The following KLHL1 variants were observed in gnomAD, a reference collection of about 807,000 sequenced individuals.
The protein encoded by KLHL1 is kelch like family member 1.
In KLHL1, 47 loss-of-function variants were observed where a neutral mutation model predicts 77.7. That is an observed-to-expected ratio of 0.60 (90% CI 0.48 to 0.77). The LOEUF is 0.77. Ranked by LOEUF, KLHL1 falls within the 30% of genes least tolerant of loss-of-function variation. The pLI, the probability that KLHL1 is intolerant of heterozygous loss-of-function variation, is 0.00. For missense variants in KLHL1, 925 were observed against 910.8 expected (o/e 1.02, Z -0.20); for synonymous variants, 360 against 325.2 (o/e 1.11, Z -1.15).
intron 5 of KLHL1, among the ~76,000 whole-genome samples, chr13:69,847,404 C>CAAAAAAAAAAAAAAAAAAAAAA (rs11357077): frequency 6.9e-6 from 1 of 145,856 alleles, no homozygotes; most frequent in African/African-American, 2.6e-5. Context: ...ACTGCATTAG[C>CAAAAAAAAAAAAAAAAAAAAAA]AAAAAAAAAA....
chr13:69,749,647 A>G (rs931305322), intron 7 of KLHL1, among the ~76,000 whole-genome samples: 9 of 151,996 alleles, frequency 5.9e-5, no homozygotes, highest in African/African-American at 1.7e-4. Context: ...ACACATAACT[A>G]TATCCAATGA....
chr13:70,024,778 A>G (rs969660053), intron 1 of KLHL1, among the ~76,000 whole-genome samples: 3 of 151,842 alleles, frequency 2.0e-5, no homozygotes, highest in Admixed American at 6.6e-5. Flanking sequence ...ATACAGATCA[A>G]ATTTAGGAAG....
chr13:69,742,783 T>G (rs1323185526), intron 7 of KLHL1, among the ~76,000 whole-genome samples: 1 of 152,190 alleles, frequency 6.6e-6, no homozygotes, highest in East Asian at 1.9e-4. Context: ...GTGTTTTGAG[T>G]GCAGGCATAG....
At chr13:69,753,713 G>T (rs1196356368) in intron 7 of KLHL1, among the ~76,000 whole-genome samples, 2 of 152,110 alleles carry the variant, frequency 1.3e-5, no homozygotes, top group Non-Finnish European at 2.9e-5. Flanking sequence ...CTAGGCAATT[G>T]TCCTACTTGA....
intron 1 of KLHL1, among the ~76,000 whole-genome samples, chr13:70,056,692 T>C (rs1175250909): frequency 6.6e-6 from 1 of 152,002 alleles, no homozygotes; most frequent in South Asian, 2.1e-4. Flanking sequence ...TACAAACACA[T>C]GGAAATTAAA....
intron 5 of KLHL1, among the ~76,000 whole-genome samples, chr13:69,854,250 T>C (rs1879802195): frequency 6.6e-6 from 1 of 151,976 alleles, no homozygotes; most frequent in African/African-American, 2.4e-5. Context: ...GGCACCAACA[T>C]CTGCTTATGT....
intron 1 of KLHL1, among the ~76,000 whole-genome samples, chr13:70,063,056 C>T (rs968500522): frequency 1.3e-5 from 2 of 152,056 alleles, no homozygotes; most frequent in African/African-American, 4.8e-5. Flanking sequence ...TTAAATTTGG[C>T]CACAGATTCT....
chr13:69,922,200 G>C (rs193203376), intron 4 of KLHL1, among the ~76,000 whole-genome samples: 2 of 152,040 alleles, frequency 1.3e-5, no homozygotes, highest in Admixed American at 6.6e-5. Flanking sequence ...TCCTGCCTTG[G>C]CCTGCCAATG....
intron 2 of KLHL1, among the ~76,000 whole-genome samples, chr13:69,961,857 A>G (rs1884075337): frequency 6.6e-6 from 1 of 152,024 alleles, no homozygotes; most frequent in African/African-American, 2.4e-5. Context: ...TGCCAATAAA[A>G]TAGTATTTTT....
chr13:69,773,561 T>A (rs904192793), intron 7 of KLHL1, among the ~76,000 whole-genome samples: 5 of 151,990 alleles, frequency 3.3e-5, no homozygotes, highest in African/African-American at 1.2e-4. Context: ...AAATATATAA[T>A]CTTTTATTTA....
intron 5 of KLHL1, among the ~76,000 whole-genome samples, chr13:69,864,066 A>T (rs1327436366): frequency 6.6e-6 from 1 of 151,988 alleles, no homozygotes; most frequent in Non-Finnish European, 1.5e-5. Context: ...AGTGTCACCC[A>T]GTCAATGTTA....
chr13:70,069,445 A>G (rs1204941943), intron 1 of KLHL1, among the ~76,000 whole-genome samples: 1 of 152,250 alleles, frequency 6.6e-6, no homozygotes, highest in African/African-American at 2.4e-5. Context: ...ACAAAAAATT[A>G]CAAGGCATGC....
intron 7 of KLHL1, among the ~76,000 whole-genome samples, chr13:69,770,715 T>C (rs1190884442): frequency 3.3e-5 from 5 of 152,166 alleles, no homozygotes; most frequent in African/African-American, 1.2e-4. Flanking sequence ...TGCTCTACAA[T>C]AGAATAATAA....
In KLHL1 at chr13:69,902,528, T is replaced by C. The variant is rs191164952; in HGVS notation, c.1015-20033A>G. On this transcript the variant is annotated intron_variant, in intron 4 of 10. Coordinates refer to ENST00000377844, the MANE Select transcript of KLHL1 (RefSeq NM_020866.3). ...ACTACAGTACTGAAAGAGAGAATTC[T>C]GGATTAAGAAAATGTGGCATATATA... Among the ~76,000 whole-genome samples, 5 of 152,228 alleles carry C rather than the reference T, an allele frequency of 3.3e-5. No homozygotes were observed. In the East Asian group the frequency reaches 9.7e-4, roughly 29 times the overall value.
At chr13:70,034,168 A>G (rs1886184738) in intron 1 of KLHL1, among the ~76,000 whole-genome samples, 1 of 152,212 alleles carries the variant, frequency 6.6e-6, no homozygotes, top group Non-Finnish European at 1.5e-5. Flanking sequence ...TTAATAACTC[A>G]ACATTTTACT....
chr13:69,941,534 G>A (rs1401168011), intron 3 of KLHL1, among the ~76,000 whole-genome samples: 1 of 151,838 alleles, frequency 6.6e-6, no homozygotes, highest in Admixed American at 6.6e-5. Flanking sequence ...AGAATCTAGG[G>A]TCACACCTCA....
At chr13:69,915,059 A>G (rs1235937790) in intron 4 of KLHL1, among the ~76,000 whole-genome samples, 2 of 152,162 alleles carry the variant, frequency 1.3e-5, no homozygotes, top group Non-Finnish European at 2.9e-5. Context: ...TTGGAATGCA[A>G]AAATGGTATA....
At chr13:70,090,514 ACAGGT>A (rs1887647286) in intron 1 of KLHL1, among the ~76,000 whole-genome samples, 1 of 151,906 alleles carries the variant, frequency 6.6e-6, no homozygotes, top group African/African-American at 2.4e-5. Context: ...TTATTGATTG[ACAGGT>A]CATTATCCTC....
In KLHL1 at chr13:70,082,321, A is replaced by T. The variant is rs948351344; in HGVS notation, c.497+24882T>A. On this transcript the variant is annotated intron_variant, in intron 1 of 10. Coordinates refer to ENST00000377844, the MANE Select transcript of KLHL1 (RefSeq NM_020866.3). Reference sequence around the variant, plus strand: ...TCCTCCTTGGACCTGTCACACACACACACACACACACACACACACACACAC... The same window carrying T: ...TCCTCCTTGGACCTGTCACACACACTCACACACACACACACACACACACAC... Among the ~76,000 whole-genome samples, 39 of 91,634 alleles carry T rather than the reference A, an allele frequency of 4.3e-4. 1 individual carries two copies. The highest frequency in any genetic ancestry group is 6.3e-3 in the Middle Eastern group (1 of 158). 60.1% of individuals were successfully genotyped at this position (91,634 alleles called of 152,430 possible). A position where few individuals can be genotyped will look rare whatever the true frequency, so the allele number is the denominator to read the frequency against.
Sources: gnomAD v4.1 joint callset for allele counts (sites outside exome capture counted in the v4.1 genomes callset) on GRCh38, gnomAD v4.1.1 for gene constraint, MANE v1.5 for transcripts, NCBI Gene and HGNC (gene_info 2026-07-23, HGNC 2026-07-21) for gene names.